The following METTL24 variants were observed in gnomAD, a reference collection of about 807,000 sequenced individuals.
The protein encoded by METTL24 is methyltransferase like 24.
A neutral mutation model predicts 32.7 loss-of-function variants in METTL24; 29 were observed. The ratio of observed to expected loss-of-function variants is 0.89; its 90% CI spans 0.66 to 1.21. METTL24 has a LOEUF of 1.21. Among genes scored for constraint, METTL24 ranks in the 50% most tolerant of loss-of-function variants. The probability of loss-of-function intolerance (pLI) is 0.00; values close to 1 mark genes in which losing one functional copy is unlikely to be tolerated. For missense variants in METTL24, 439 were observed against 468.1 expected (o/e 0.94, Z 0.57); for synonymous variants, 163 against 179.5 (o/e 0.91, Z 0.73).
intron 1 of METTL24, among the ~76,000 whole-genome samples, chr6:110,332,741 T>C (rs1158584880): frequency 6.6e-6 from 1 of 151,712 alleles, no homozygotes; most frequent in Non-Finnish European, 1.5e-5. Context: ...GACCCTCATC[T>C]CTATGAAAAG....
At chr6:110,313,365 T>C (rs1771760404) in intron 3 of METTL24, among the ~76,000 whole-genome samples, 1 of 152,244 alleles carries the variant, frequency 6.6e-6, no homozygotes. Flanking sequence ...AAATATTATG[T>C]GTCAATAAAA....
chr6:110,294,618 A>T (rs1771377637), intron 4 of METTL24, among the ~76,000 whole-genome samples: 1 of 152,284 alleles, frequency 6.6e-6, no homozygotes, highest in African/African-American at 2.4e-5. Flanking sequence ...GGTTGGGTTT[A>T]AAAATACAAT....
rs1055787497 is a variant in METTL24 at position 110,303,267 on chromosome 6, G to GT, written c.558-4118dup. ...GGCAGACACTGAGCTAGCTGCAGGA[G>GT]TTTTTTTTTTCATACCCCAGTGGTG... On this transcript the variant is annotated intron_variant, in intron 3 of 4. Transcript: ENST00000338882. Among the ~76,000 whole-genome samples the GT allele has an allele frequency of 3.0e-4, 45 of 150,110 alleles. 1 individual carries two copies. Among genetic ancestry groups the GT allele is most frequent in the South Asian group, 1.3e-3 (6 of 4,710 alleles).
chr6:110,262,361 A>G (rs1437672251), intron 4 of METTL24, among the ~76,000 whole-genome samples: 3 of 152,226 alleles, frequency 2.0e-5, no homozygotes, highest in African/African-American at 7.2e-5. Flanking sequence ...AAACTTGAAA[A>G]TCTAGAAGAA....
At chr6:110,314,499 A>G (rs9487372) in intron 3 of METTL24, among the ~76,000 whole-genome samples, 6,641 of 152,224 alleles carry the variant, frequency 0.044, 494 homozygotes, top group African/African-American at 0.15. Flanking sequence ...GAATAACTCG[A>G]TATCAATTTT....
chr6:110,322,380 C>A (rs1167515908), intron 2 of METTL24, among the ~76,000 whole-genome samples: 1 of 152,206 alleles, frequency 6.6e-6, no homozygotes, highest in Non-Finnish European at 1.5e-5. Flanking sequence ...AGTGGAAAGG[C>A]AAGTTCCTCC....
At chr6:110,265,746 T>G (rs1358512800) in intron 4 of METTL24, among the ~76,000 whole-genome samples, 1 of 152,004 alleles carries the variant, frequency 6.6e-6, no homozygotes. Context: ...GGAACTTGGG[T>G]TCTTGATGAC....
At chr6:110,354,672 A>G (rs1190505245) in intron 1 of METTL24, among the ~76,000 whole-genome samples, 2 of 152,214 alleles carry the variant, frequency 1.3e-5, no homozygotes, top group African/African-American at 2.4e-5. Context: ...AAGAAACAAG[A>G]CTTGTCCCTA....
At chr6:110,337,446 AC>A (rs1345749083) in intron 1 of METTL24, among the ~76,000 whole-genome samples, 1 of 152,230 alleles carries the variant, frequency 6.6e-6, no homozygotes, top group Non-Finnish European at 1.5e-5. Context: ...AAAAGAGTGC[AC>A]AGAATAATAA....
At chr6:110,261,713 G>T (rs1770734332) in intron 4 of METTL24, among the ~76,000 whole-genome samples, 1 of 152,096 alleles carries the variant, frequency 6.6e-6, no homozygotes, top group African/African-American at 2.4e-5. Context: ...CACATAGTTG[G>T]AAGTAAAGCA....
rs539437221 is a variant in METTL24, at chr6:110,245,815, G to T, written c.*131C>A. 2 of 867,124 alleles carry T rather than the reference G, an allele frequency of 2.3e-6. No individual in the cohort carries two copies. The highest frequency in any genetic ancestry group is 3.4e-5 in the African/African-American group (2 of 59,522). The allele number at this position is 867,124 out of a possible 1,614,324, so 53.7% of individuals were successfully genotyped here. A position where few individuals can be genotyped will look rare whatever the true frequency, so the allele number is the denominator to read the frequency against. On this transcript the variant is annotated 3_prime_UTR_variant, in exon 5 of 5. Coordinates refer to ENST00000338882, the MANE Select transcript of METTL24 (RefSeq NM_001123364.3). ...ATGCCAAGCACTAGGCTGCATGCCC[G>T]CAATAACACACTCCCTGCCTCAAGC...
chr6:110,275,956 G>T (rs989005423), intron 4 of METTL24, among the ~76,000 whole-genome samples: 1 of 152,122 alleles, frequency 6.6e-6, no homozygotes, highest in Non-Finnish European at 1.5e-5. Flanking sequence ...CCTTTCCTCT[G>T]CATTTCTCTC....
rs940216927 is a variant in METTL24, at chr6:110,281,497, C to T, written c.786+17425G>A. Among the ~76,000 whole-genome samples, 8 of 151,650 alleles carry T rather than the reference C, an allele frequency of 5.3e-5. No homozygotes were observed. In the Middle Eastern group the frequency reaches 0.01, roughly 195 times the overall value. Reference sequence around the variant, plus strand: ...CTCTACTAAAAATACAAAAATTAGCCGGGTGTGGTGGCTCACACCTGTAAT... The same window carrying T: ...CTCTACTAAAAATACAAAAATTAGCTGGGTGTGGTGGCTCACACCTGTAAT... On this transcript the variant is annotated intron_variant, in intron 4 of 4. Transcript: ENST00000338882.
rs994481072 is a variant in METTL24 at position 110,244,759 on chromosome 6, T to G, written c.*1187A>C. Among the ~76,000 whole-genome samples, 1 of 151,938 alleles carries G rather than the reference T, an allele frequency of 6.6e-6. No individual in the cohort carries two copies. The highest frequency in any genetic ancestry group is 2.4e-5 in the African/African-American group (1 of 41,326). ...CATGATTCAATTACCTCTCACCAGG[T>G]CCCTCCCACAACACGTGGGGATTAT... On this transcript the variant is annotated 3_prime_UTR_variant, in exon 5 of 5. Coordinates refer to ENST00000338882, the MANE Select transcript of METTL24 (RefSeq NM_001123364.3).
At chr6:110,298,077 A>T (rs1167409282) in intron 4 of METTL24, among the ~76,000 whole-genome samples, 5 of 152,202 alleles carry the variant, frequency 3.3e-5, no homozygotes, top group Admixed American at 3.3e-4. Flanking sequence ...CAAGAAGCCA[A>T]CTCAAGTTTA....
chr6:110,280,405 C>T (rs996074540), intron 4 of METTL24, among the ~76,000 whole-genome samples: 4 of 152,120 alleles, frequency 2.6e-5, no homozygotes, highest in Non-Finnish European at 5.9e-5. Context: ...TATTCAATCG[C>T]ATGGGTTTTA....
At chr6:110,251,277 T>C (rs189477145) in intron 4 of METTL24, among the ~76,000 whole-genome samples, 120 of 152,314 alleles carry the variant, frequency 7.9e-4, no homozygotes, top group Non-Finnish European at 1.2e-3. Context: ...TCAACTACAG[T>C]AGTACAGTGG....
chr6:110,352,135 G>A (rs1033164882), intron 1 of METTL24, among the ~76,000 whole-genome samples: 1 of 152,160 alleles, frequency 6.6e-6, no homozygotes, highest in Non-Finnish European at 1.5e-5. Flanking sequence ...ACAGCCTTAG[G>A]TAACTCATCT....
chr6:110,290,218 A>G (rs1771294992), intron 4 of METTL24, among the ~76,000 whole-genome samples: 1 of 152,080 alleles, frequency 6.6e-6, no homozygotes, highest in African/African-American at 2.4e-5. Context: ...TGCCCAGCCA[A>G]TTGACAACTT....
Sources: gnomAD v4.1 joint callset for allele counts (sites outside exome capture counted in the v4.1 genomes callset) on GRCh38, gnomAD v4.1.1 for gene constraint, MANE v1.5 for transcripts, NCBI Gene and HGNC (gene_info 2026-07-23, HGNC 2026-07-21) for gene names.